The following KCNC2 variants were observed in gnomAD, a reference collection of about 807,000 sequenced individuals.
KCNC2 encodes potassium voltage-gated channel subfamily C member 2.
KCNC2 carries 21 observed loss-of-function variants against 44.5 expected under a neutral mutation model. The observed-to-expected ratio is 0.47, with a 90% CI of 0.33 to 0.68. KCNC2 has a LOEUF of 0.68. Among genes scored for constraint, KCNC2 ranks in the 30% least tolerant of loss-of-function variants. The probability of loss-of-function intolerance (pLI) is 0.01; values close to 1 mark genes in which losing one functional copy is unlikely to be tolerated. For missense variants in KCNC2, 589 were observed against 826.2 expected (o/e 0.71, Z 3.52); for synonymous variants, 391 against 339.1 (o/e 1.15, Z -1.68).
Position 75,042,500 on chromosome 12 carries a change from G to A in KCNC2, c.*605C>T, listed in dbSNP as rs1047485192. ...TCAAATAATAAGAAAAAAATGTCAA[G>A]GAGAAAAGTGCCCTCCCTGCCCCAC... On this transcript the variant is annotated 3_prime_UTR_variant, in exon 5 of 5. Coordinates refer to ENST00000549446, the MANE Select transcript of KCNC2 (RefSeq NM_139137.4). The A allele has an allele frequency of 7.0e-7, 1 of 1,432,744 alleles. No individual in the cohort carries two copies. Among genetic ancestry groups the A allele is most frequent in the Non-Finnish European group, 9.1e-7 (1 of 1,094,052 alleles). 88.8% of individuals were successfully genotyped at this position (1,432,744 alleles called of 1,614,324 possible). A position where few individuals can be genotyped will look rare whatever the true frequency, so the allele number is the denominator to read the frequency against.
intron 2 of KCNC2, among the ~76,000 whole-genome samples, chr12:75,055,358 G>C (rs1881628667): frequency 6.6e-6 from 1 of 151,900 alleles, no homozygotes. Flanking sequence ...AAAGCAAATT[G>C]AACTGGCTTA....
intron 2 of KCNC2, among the ~76,000 whole-genome samples, chr12:75,109,467 G>A (rs549004035): frequency 6.6e-6 from 1 of 152,310 alleles, no homozygotes; most frequent in African/African-American, 2.4e-5. Flanking sequence ...TCATGGTTAT[G>A]TGGGATCTGA....
chr12:75,137,150 A>G (rs1478276030), intron 2 of KCNC2, among the ~76,000 whole-genome samples: 1 of 152,090 alleles, frequency 6.6e-6, no homozygotes, highest in Non-Finnish European at 1.5e-5. Context: ...TTGGCCCTCA[A>G]AATACTGTCT....
At chr12:75,087,397 T>C (rs1885116443) in intron 2 of KCNC2, among the ~76,000 whole-genome samples, 1 of 152,080 alleles carries the variant, frequency 6.6e-6, no homozygotes, top group Non-Finnish European at 1.5e-5. Flanking sequence ...GGCTATCGTT[T>C]TAGATAAGCA....
At chr12:75,169,154 A>C (rs1217531254) in intron 2 of KCNC2, among the ~76,000 whole-genome samples, 1 of 151,556 alleles carries the variant, frequency 6.6e-6, no homozygotes, top group African/African-American at 2.4e-5. Context: ...TAATTAAATA[A>C]TCACTTTCAA....
At chr12:75,200,151 A>G (rs1264098285) in intron 2 of KCNC2, among the ~76,000 whole-genome samples, 1 of 151,830 alleles carries the variant, frequency 6.6e-6, no homozygotes, top group Non-Finnish European at 1.5e-5. Context: ...TATCCTTCCT[A>G]ACAGTCTTGC....
chr12:75,055,728 A>G (rs1231406307), intron 2 of KCNC2, among the ~76,000 whole-genome samples: 2 of 151,446 alleles, frequency 1.3e-5, no homozygotes, highest in East Asian at 3.9e-4. Context: ...AATGGCCAGG[A>G]CTCTTATTTT....
intron 2 of KCNC2, among the ~76,000 whole-genome samples, chr12:75,183,230 G>A (rs1892721490): frequency 6.6e-6 from 1 of 152,174 alleles, no homozygotes; most frequent in Non-Finnish European, 1.5e-5. Context: ...AACACAGTGT[G>A]AAAATTTTGT....
intron 2 of KCNC2, among the ~76,000 whole-genome samples, chr12:75,138,898 A>G (rs576494986): frequency 3.3e-4 from 49 of 147,068 alleles, no homozygotes; most frequent in African/African-American, 8.8e-4. Flanking sequence ...GGAGAATGGC[A>G]TGAACCCGGG....
At chr12:75,049,657 C>T (rs1401739004) in intron 3 of KCNC2, among the ~76,000 whole-genome samples, 2 of 151,980 alleles carry the variant, frequency 1.3e-5, no homozygotes, top group Non-Finnish European at 2.9e-5. Context: ...ACACATTGTA[C>T]CTAAAAAGGA....
chr12:75,182,040 G>A (rs144818551), intron 2 of KCNC2, among the ~76,000 whole-genome samples: 4 of 140,482 alleles, frequency 2.8e-5, no homozygotes, highest in East Asian at 2.2e-4. Flanking sequence ...TTTTAGATGA[G>A]AGAACTGAGG....
intron 2 of KCNC2, among the ~76,000 whole-genome samples, chr12:75,185,650 G>C (rs1366907736): frequency 1.3e-5 from 2 of 151,954 alleles, no homozygotes; most frequent in Non-Finnish European, 2.9e-5. Flanking sequence ...TACCCAGTCT[G>C]TGATATTCTG....
At chr12:75,059,958 T>C (rs1882142581) in intron 2 of KCNC2, among the ~76,000 whole-genome samples, 1 of 152,130 alleles carries the variant, frequency 6.6e-6, no homozygotes, top group African/African-American at 2.4e-5. Flanking sequence ...ATAACCCAAA[T>C]GTCATCTCCA....
At chr12:75,095,348 A>C (rs1430234684) in intron 2 of KCNC2, among the ~76,000 whole-genome samples, 1 of 151,716 alleles carries the variant, frequency 6.6e-6, no homozygotes, top group Non-Finnish European at 1.5e-5. Flanking sequence ...TATTTGGTTT[A>C]ATCTCCCACT....
intron 2 of KCNC2, among the ~76,000 whole-genome samples, chr12:75,088,078 G>T (rs1327411940): frequency 1.3e-5 from 2 of 151,930 alleles, no homozygotes; most frequent in East Asian, 3.9e-4. Flanking sequence ...AAACTCATTA[G>T]CTATATAACA....
intron 2 of KCNC2, among the ~76,000 whole-genome samples, chr12:75,097,899 C>T (rs765321218): frequency 6.6e-5 from 10 of 152,030 alleles, no homozygotes; most frequent in Non-Finnish European, 1.5e-4. Context: ...TTTAAAAACC[C>T]AATGTCCTTC....
intron 2 of KCNC2, among the ~76,000 whole-genome samples, chr12:75,080,692 T>C (rs946994857): frequency 2.0e-5 from 3 of 152,108 alleles, no homozygotes; most frequent in African/African-American, 7.2e-5. Context: ...CTGGCCCCTT[T>C]AGCATACAGA....
intron 2 of KCNC2, among the ~76,000 whole-genome samples, chr12:75,162,608 C>A (rs1891190938): frequency 6.6e-6 from 1 of 151,756 alleles, no homozygotes; most frequent in Non-Finnish European, 1.5e-5. Flanking sequence ...TCTTAAATCA[C>A]ATGCAAATTT....
chr12:75,043,721 T>G, intron 4 of KCNC2: 1 of 1,432,208 alleles, frequency 7.0e-7, no homozygotes, highest in Non-Finnish European at 9.2e-7. Flanking sequence ...ATATTTAATC[T>G]TCCAGCTTTA....
Sources: allele counts gnomAD v4.1 joint callset (sites outside exome capture counted in the v4.1 genomes callset), GRCh38; gene constraint gnomAD v4.1.1; transcripts MANE v1.5; gene names NCBI Gene and HGNC (gene_info 2026-07-23, HGNC 2026-07-21).